The following NKAIN2 variants were observed in gnomAD, a reference collection of about 807,000 sequenced individuals.
NKAIN2 encodes sodium/potassium-transporting ATPase subunit beta-1-interacting protein 2.
A neutral mutation model predicts 32.6 loss-of-function variants in NKAIN2; 14 were observed. The ratio of observed to expected loss-of-function variants is 0.43; its 90% confidence interval spans 0.28 to 0.67. NKAIN2 has a LOEUF of 0.67. NKAIN2 is among the 30% of genes least tolerant of loss of function. NKAIN2 has a pLI of 0.17. For missense variants in NKAIN2, 198 were observed against 258.3 expected, an observed-to-expected ratio of 0.77 and a Z score of 1.60; for synonymous variants, 80 against 87.2, an observed-to-expected ratio of 0.92 and a Z score of 0.46.
At chr6:124,507,415 C>G (rs1398244542) in intron 3 of NKAIN2, among the ~76,000 whole-genome samples, 1 of 151,948 alleles carries the variant, frequency 6.6e-6, no homozygotes, top group Non-Finnish European at 1.5e-5. Flanking sequence ...CATATTTTTC[C>G]CATCAGTATG....
chr6:124,789,702 C>T (rs1779656552), intron 4 of NKAIN2, among the ~76,000 whole-genome samples: 1 of 151,850 alleles, frequency 6.6e-6, no homozygotes, highest in African/African-American at 2.4e-5. Flanking sequence ...AATTAGTACT[C>T]GGAACTCTAA....
chr6:124,167,398 T>G (rs1788607626), intron 1 of NKAIN2, among the ~76,000 whole-genome samples: 1 of 152,194 alleles, frequency 6.6e-6, no homozygotes, highest in Admixed American at 6.5e-5. Flanking sequence ...AAGTTGCTTA[T>G]CAGCTTAAGG....
intron 1 of NKAIN2, among the ~76,000 whole-genome samples, chr6:124,176,748 G>A (rs1360881620): frequency 1.3e-5 from 2 of 152,098 alleles, no homozygotes; most frequent in Non-Finnish European, 2.9e-5. Context: ...GAATAAAAAT[G>A]ATATTGCATT....
chr6:124,638,887 CAAAAAAAAAAAA>C (rs35802663), intron 3 of NKAIN2, among the ~76,000 whole-genome samples: 1 of 82,632 alleles, frequency 1.2e-5, no homozygotes, highest in Non-Finnish European at 2.2e-5. Flanking sequence ...GAGACTCTGT[CAAAAAAAAAAAA>C]AAAAAAAAAA....
intron 3 of NKAIN2, among the ~76,000 whole-genome samples, chr6:124,371,695 A>T (rs1344521758): frequency 3.2e-5 from 4 of 126,060 alleles, no homozygotes; most frequent in African/African-American, 1.9e-4. Flanking sequence ...CTCTGTCTCA[A>T]AAAAAAAAAA....
rs116618641 is a variant in NKAIN2, at chr6:124,050,047, G to A, written c.55-232958G>A. Among the ~76,000 whole-genome samples the A allele has an allele frequency of 4.7e-3, 718 of 152,064 alleles. 2 individuals carry two copies. The highest frequency in any genetic ancestry group is 0.016 in the African/African-American group (657 of 41,518). ...TGTGAATAGGGATAAAGAAATTTGC[G>A]TGTAGTATATATGGGGTTTGTATTA... On this transcript the variant is annotated intron_variant, in intron 1 of 6. Transcript: ENST00000368417.
intron 4 of NKAIN2, among the ~76,000 whole-genome samples, chr6:124,719,585 G>A (rs921385215): frequency 6.6e-6 from 1 of 151,728 alleles, no homozygotes; most frequent in African/African-American, 2.4e-5. Flanking sequence ...TTTTTCTTTT[G>A]TTTTGTTTTG....
intron 1 of NKAIN2, among the ~76,000 whole-genome samples, chr6:123,861,652 T>C (rs769784058): frequency 6.6e-6 from 1 of 152,200 alleles, no homozygotes; most frequent in African/African-American, 2.4e-5. Context: ...CTAGAAAATA[T>C]GCCAATTAAT....
chr6:123,987,550 C>T (rs1582889211), intron 1 of NKAIN2, among the ~76,000 whole-genome samples: 1 of 152,250 alleles, frequency 6.6e-6, no homozygotes, highest in East Asian at 1.9e-4. Context: ...AAGGCATTTG[C>T]TGAGCTACAT....
intron 6 of NKAIN2, among the ~76,000 whole-genome samples, chr6:124,819,827 T>C (rs903536214): frequency 7.2e-5 from 11 of 152,278 alleles, no homozygotes; most frequent in African/African-American, 2.2e-4. Context: ...GAATAAGAAC[T>C]AGCCCTGTCC....
chr6:123,851,219 GA>G (rs576209863), intron 1 of NKAIN2, among the ~76,000 whole-genome samples: 130 of 148,226 alleles, frequency 8.8e-4, no homozygotes, highest in African/African-American at 2.6e-3. Flanking sequence ...TCAGTAGGGG[GA>G]TTGCTGGATC....
chr6:124,085,441 A>G (rs1582614159), intron 1 of NKAIN2, among the ~76,000 whole-genome samples: 1 of 151,818 alleles, frequency 6.6e-6, no homozygotes, highest in Non-Finnish European at 1.5e-5. Context: ...AGGGGCAGAA[A>G]AGTTGGAGGA....
intron 4 of NKAIN2, among the ~76,000 whole-genome samples, chr6:124,667,401 TA>T (rs1772858512): frequency 6.6e-6 from 1 of 152,142 alleles, no homozygotes; most frequent in African/African-American, 2.4e-5. Flanking sequence ...TTTATAATCA[TA>T]AAATTATTTC....
intron 1 of NKAIN2, among the ~76,000 whole-genome samples, chr6:124,153,957 TATC>T (rs1582750274): frequency 6.6e-6 from 1 of 151,090 alleles, no homozygotes; most frequent in East Asian, 1.9e-4. Flanking sequence ...AGTTATTTCT[TATC>T]ATACTGAAGA....
At chr6:124,760,698 G>A (rs1341638208) in intron 4 of NKAIN2, among the ~76,000 whole-genome samples, 2 of 151,912 alleles carry the variant, frequency 1.3e-5, no homozygotes, top group Admixed American at 6.6e-5. Context: ...TAAATATTAG[G>A]ATAAGTTCAT....
In NKAIN2 at chr6:123,830,607, AC is replaced by A. The variant is rs559076301; in HGVS notation, c.54+26359del. ...CACTTTCTCAGGAAAGTTTTTGCTG[AC>A]CCCCCTAGTCAGGTCAACTTCACCC... On this transcript the variant is annotated intron_variant, in intron 1 of 6. Transcript: ENST00000368417. Among the ~76,000 whole-genome samples the A allele has an allele frequency of 2.8e-3, 429 of 152,118 alleles. 1 individual carries two copies. Among genetic ancestry groups the A allele is most frequent in the Middle Eastern group, 0.014 (4 of 294 alleles).
At chr6:124,470,196 A>C (rs1776916776) in intron 3 of NKAIN2, among the ~76,000 whole-genome samples, 1 of 152,124 alleles carries the variant, frequency 6.6e-6, no homozygotes, top group South Asian at 2.1e-4. Flanking sequence ...AGACCAGGCC[A>C]CCGTGGCTGC....
chr6:124,036,741 T>C (rs997516373), intron 1 of NKAIN2, among the ~76,000 whole-genome samples: 1 of 152,114 alleles, frequency 6.6e-6, no homozygotes, highest in Non-Finnish European at 1.5e-5. Context: ...GAATCAGTCC[T>C]CAAAATCATT....
chr6:123,836,499 G>A (rs1208828264), intron 1 of NKAIN2, among the ~76,000 whole-genome samples: 2 of 151,970 alleles, frequency 1.3e-5, no homozygotes, highest in Admixed American at 1.3e-4. Flanking sequence ...CAAACGGAGG[G>A]ACCTCACAAT....
Sources: gnomAD v4.1 joint callset for allele counts (sites outside exome capture counted in the v4.1 genomes callset) on GRCh38, gnomAD v4.1.1 for gene constraint, MANE v1.5 for transcripts, NCBI Gene and HGNC (gene_info 2026-07-23, HGNC 2026-07-21) for gene names.